The following SPATA16 variants were observed in gnomAD, a reference collection of about 807,000 sequenced individuals.
The protein encoded by SPATA16 is spermatogenesis-associated protein 16.
A neutral mutation model predicts 63.3 loss-of-function variants in SPATA16; 36 were observed. That is an observed-to-expected ratio of 0.57 (90% CI 0.44 to 0.75). SPATA16 has a LOEUF of 0.75. Among genes scored for constraint, SPATA16 ranks in the 30% least tolerant of loss-of-function variants. The pLI is 0.00. For synonymous variants in SPATA16, 203 were observed against 216.7 expected, an observed-to-expected ratio of 0.94 and a Z score of 0.56; for missense variants, 646 against 679.3, an observed-to-expected ratio of 0.95 and a Z score of 0.54.
At chr3:172,909,249 A>T (rs550628226) in intron 10 of SPATA16, among the ~76,000 whole-genome samples, 1 of 152,276 alleles carries the variant, frequency 6.6e-6, no homozygotes, top group Admixed American at 6.5e-5. Flanking sequence ...TGTTACCAAG[A>T]TGGTGCCATC....
intron 1 of SPATA16, among the ~76,000 whole-genome samples, chr3:173,127,417 A>G (rs1477503149): frequency 1.3e-5 from 2 of 152,078 alleles, no homozygotes; most frequent in African/African-American, 2.4e-5. Flanking sequence ...TATTTTGCCT[A>G]TTTTGTCAGT....
chr3:172,905,368 A>G (rs915579538), intron 10 of SPATA16, among the ~76,000 whole-genome samples: 1 of 152,188 alleles, frequency 6.6e-6, no homozygotes, highest in African/African-American at 2.4e-5. Context: ...GCCACATATT[A>G]GCCCAAATGA....
At chr3:172,936,636 A>C (rs1270901356) in intron 6 of SPATA16, among the ~76,000 whole-genome samples, 1 of 151,714 alleles carries the variant, frequency 6.6e-6, no homozygotes, top group African/African-American at 2.4e-5. Flanking sequence ...GATTATGGGA[A>C]CTCTTGATTT....
chr3:172,991,350 C>G (rs549026087), intron 4 of SPATA16, among the ~76,000 whole-genome samples: 44 of 152,266 alleles, frequency 2.9e-4, no homozygotes, highest in Middle Eastern at 3.4e-3. Context: ...ATCTCATTTT[C>G]TTCTTTTCCT....
chr3:173,105,644 G>A (rs998110899), intron 2 of SPATA16, among the ~76,000 whole-genome samples: 3 of 152,008 alleles, frequency 2.0e-5, no homozygotes, highest in Non-Finnish European at 4.4e-5. Context: ...CTGTGCTTCC[G>A]GCATGTTTCC....
At chr3:173,031,508 C>T (rs1560102204) in intron 3 of SPATA16, among the ~76,000 whole-genome samples, 1 of 152,040 alleles carries the variant, frequency 6.6e-6, no homozygotes, top group Admixed American at 6.6e-5. Flanking sequence ...TATAATGTAA[C>T]AATCTGTGTT....
intron 1 of SPATA16, among the ~76,000 whole-genome samples, chr3:173,139,524 C>G (rs532551635): frequency 6.6e-6 from 1 of 152,262 alleles, no homozygotes; most frequent in Admixed American, 6.5e-5. Context: ...TTTAAAAACC[C>G]TTGAGCATAT....
chr3:173,114,457 G>A (rs537223214), intron 2 of SPATA16, among the ~76,000 whole-genome samples: 6 of 152,162 alleles, frequency 3.9e-5, no homozygotes, highest in Admixed American at 2.6e-4. Context: ...CTCATTTTTG[G>A]CTGGATAGAA....
At chr3:173,071,257 T>C (rs1375357686) in intron 2 of SPATA16, among the ~76,000 whole-genome samples, 1 of 152,182 alleles carries the variant, frequency 6.6e-6, no homozygotes, top group Non-Finnish European at 1.5e-5. Flanking sequence ...TAGATATCCA[T>C]ATGCAAAAGA....
At chr3:173,100,908 A>G (rs1421730811) in intron 2 of SPATA16, among the ~76,000 whole-genome samples, 1 of 152,192 alleles carries the variant, frequency 6.6e-6, no homozygotes, top group Admixed American at 6.6e-5. Flanking sequence ...GAACATGTCA[A>G]AATATACAAA....
chr3:173,056,964 T>C (rs1244874544), intron 2 of SPATA16, among the ~76,000 whole-genome samples: 1 of 152,092 alleles, frequency 6.6e-6, no homozygotes, highest in Non-Finnish European at 1.5e-5. Context: ...AGTCCACATA[T>C]GTTCTATTTT....
At chr3:172,941,671 C>T (rs1486738543) in intron 6 of SPATA16, among the ~76,000 whole-genome samples, 1 of 152,038 alleles carries the variant, frequency 6.6e-6, no homozygotes, top group African/African-American at 2.4e-5. Flanking sequence ...ACTTTGGGAA[C>T]TTCCAAAGGA....
intron 10 of SPATA16, among the ~76,000 whole-genome samples, chr3:172,905,236 A>G (rs78834337): frequency 1.6e-4 from 25 of 152,278 alleles, no homozygotes; most frequent in Non-Finnish European, 3.7e-4. Flanking sequence ...AAATCTGCAG[A>G]GACTCCTTAA....
At chr3:173,014,386 G>A (rs559984433) in intron 4 of SPATA16, among the ~76,000 whole-genome samples, 1 of 152,272 alleles carries the variant, frequency 6.6e-6, no homozygotes, top group East Asian at 1.9e-4. Context: ...TAAACTTTGG[G>A]TACTTATGGA....
At chr3:172,916,237 T>G (rs28685083) in intron 9 of SPATA16, 80 bp downstream of exon 9, 134,002 of 953,332 alleles carry the variant, frequency 0.14, 5,236 homozygotes, top group African/African-American at 0.34. Flanking sequence ...CAGGATTTTT[T>G]TTTTTTTTTT....
chr3:172,983,985 C>G (rs1219463293), intron 4 of SPATA16, among the ~76,000 whole-genome samples: 1 of 150,890 alleles, frequency 6.6e-6, no homozygotes, highest in Non-Finnish European at 1.5e-5. Context: ...ATTCCTAAAC[C>G]AGAACCTTGT....
At chr3:172,992,159 G>T (rs1734592560) in intron 4 of SPATA16, among the ~76,000 whole-genome samples, 2 of 151,958 alleles carry the variant, frequency 1.3e-5, no homozygotes, top group South Asian at 4.1e-4. Flanking sequence ...GGTAATGCAG[G>T]CAGATGATGC....
intron 1 of SPATA16, among the ~76,000 whole-genome samples, chr3:173,132,018 A>G (rs1738399484): frequency 6.6e-6 from 1 of 152,202 alleles, no homozygotes; most frequent in African/African-American, 2.4e-5. Flanking sequence ...TGGCTGATCA[A>G]GACATTAGAG....
At chr3:173,065,537 C>CA (rs1230409207) in intron 2 of SPATA16, among the ~76,000 whole-genome samples, 1 of 151,974 alleles carries the variant, frequency 6.6e-6, no homozygotes, top group African/African-American at 2.4e-5. Context: ...TCATAAGAAC[C>CA]AAAAAAATAT....
Sources: allele counts gnomAD v4.1 joint callset (sites outside exome capture counted in the v4.1 genomes callset), GRCh38; gene constraint gnomAD v4.1.1; transcripts MANE v1.5; gene names NCBI Gene and HGNC (gene_info 2026-07-23, HGNC 2026-07-21).